PNPO: variants seen among roughly 807,000 people sequenced by gnomAD.
PNPO encodes the protein pyridoxine-5'-phosphate oxidase.
PNPO carries 39 observed loss-of-function variants against 35.0 expected under a neutral mutation model. The ratio of observed to expected loss-of-function variants is 1.11; its 90% CI spans 0.86 to 1.45. The LOEUF (loss-of-function observed/expected upper bound fraction) is 1.45, where lower values mean the gene tolerates loss of function less well. PNPO is among the 40% of genes most tolerant of loss of function. The pLI is 0.00. For synonymous variants in PNPO, 115 were observed against 119.8 expected (o/e 0.96, Z 0.26); for missense variants, 288 against 340.0 (o/e 0.85, Z 1.20).
In PNPO at chr17:47,945,614, T is replaced by G; in HGVS notation, c.417+2T>G. The G allele has an allele frequency of 6.2e-7, 1 of 1,611,802 alleles. No individual in the cohort carries two copies. Among genetic ancestry groups the G allele is most frequent in the African/African-American group, 1.3e-5 (1 of 74,944 alleles). On this transcript the variant is annotated splice_donor_variant, in intron 4 of 6. Transcript: ENST00000642017. LOFTEE classifies it high-confidence loss of function. The surrounding 1 kb of genome is among the most constrained non-coding windows in gnomAD (Gnocchi z 4.0). ...TACTGGGAGCCACTTAACCGTCAGG[T>G]GAGTGAATTTTCCCAGGACAGCCTG... is the stretch of plus-strand genomic sequence containing the variant.
In PNPO at chr17:47,941,651, C is replaced by T. The variant is rs1174021590; in HGVS notation, c.-25C>T. The T allele has an allele frequency of 1.3e-6, 2 of 1,519,418 alleles. No homozygotes were observed. The highest frequency in any genetic ancestry group is 2.4e-5 in the South Asian group (2 of 82,668). 94.1% of individuals were successfully genotyped at this position (1,519,418 alleles called of 1,614,324 possible). A position where few individuals can be genotyped will look rare whatever the true frequency, so the allele number is the denominator to read the frequency against. On this transcript the variant is annotated 5_prime_UTR_variant, in exon 1 of 7. Coordinates refer to ENST00000642017, the MANE Select transcript of PNPO (RefSeq NM_018129.4). ...AAGGAACCCAGTGCCGGGCCACAGC[C>T]GGGTCACGTGGCCGGCGGCCCCCCA...
Position 47,941,581 on chromosome 17 carries a change from T to G in PNPO, c.-95T>G. The G allele has an allele frequency of 7.0e-7, 1 of 1,419,268 alleles. No individual in the cohort carries two copies. Among genetic ancestry groups the G allele is most frequent in the Non-Finnish European group, 9.3e-7 (1 of 1,079,702 alleles). The allele number at this position is 1,419,268 out of a possible 1,614,324, so 87.9% of individuals were successfully genotyped here. ...GGTTGGGCGACTGGCAAATCCTTCCTTCCCCGGGGTAGAAGTCCAGGGTGA... is the reference window on the plus strand; with the variant it reads ...GGTTGGGCGACTGGCAAATCCTTCCGTCCCCGGGGTAGAAGTCCAGGGTGA... On this transcript the variant is annotated 5_prime_UTR_variant, in exon 1 of 7. Coordinates refer to ENST00000642017, the MANE Select transcript of PNPO (RefSeq NM_018129.4).
chr17:47,946,077 C>A, intron 5 of PNPO, 88 bp downstream of exon 5: 1 of 1,500,236 alleles, frequency 6.7e-7, no homozygotes, highest in Non-Finnish European at 9.2e-7. Context: ...AGGAGATGTC[C>A]CCAGGAGATG....
chr17:47,947,050 T>G lies in PNPO; in HGVS notation c.*268T>G. 4.5e-6 allele frequency: 2 copies of G among 445,474 alleles called. No homozygotes were observed. Among genetic ancestry groups the G allele is most frequent in the Non-Finnish European group, 8.3e-6 (2 of 240,894 alleles). 27.6% of individuals were successfully genotyped at this position (445,474 alleles called of 1,614,324 possible). On this transcript the variant is annotated 3_prime_UTR_variant, in exon 7 of 7. Coordinates refer to ENST00000642017, the MANE Select transcript of PNPO (RefSeq NM_018129.4). The stretch of plus-strand genomic sequence containing the variant: ...TGACCTTGCCTATGATTGATTAGGA[T>G]AGCTCCCTCTAGGGGTAGCAGCCGG...
At chr17:47,943,987 T>G (rs950411847) in intron 2 of PNPO, among the ~76,000 whole-genome samples, 1 of 152,236 alleles carries the variant, frequency 6.6e-6, no homozygotes, top group Admixed American at 6.5e-5. Context: ...GATTGCATTA[T>G]TGTTAGTCCC....
At position 47,945,453 on chromosome 17, in the gene PNPO, A is replaced by G. The variant is rs1395617330; in HGVS notation, c.364-106A>G. The stretch of plus-strand genomic sequence containing the variant: ...TTAAATGAGCTCTTACGGTGGGTGC[A>G]TCTGCTGTGGGCCTGCGCACTACAG... On this transcript the variant is annotated intron_variant, in intron 3 of 6. Transcript: ENST00000642017. This position sits in a 1 kb window ranked among gnomAD's most constrained non-coding sequence, Gnocchi z 4.0. 5.9e-6 allele frequency: 5 copies of G among 854,300 alleles called. No homozygotes were observed. In the African/African-American group the frequency reaches 6.6e-5, roughly 11 times the overall value. 52.9% of individuals were successfully genotyped at this position (854,300 alleles called of 1,614,324 possible).
chr17:47,946,376 G>A lies in PNPO; in HGVS notation c.600G>A (p.Val200=), dbSNP rs1389859273. ...AACAGCTCTACCAGGATCAAGAGGT[G>A]CCCAAGCCAAAATCCTGGTGAGTGA... The part of the protein sequence containing the change: ...ELEQLYQDQE[V]PKPKSWGGYV... Residue 200 remains valine (V), a synonymous_variant, in exon 6 of 7, where the codon GTG becomes GTA. Transcript: ENST00000642017. The A allele has an allele frequency of 3.1e-6, 5 of 1,613,232 alleles. No individual in the cohort carries two copies. In the East Asian group the frequency reaches 8.9e-5, roughly 29 times the overall value.
In PNPO at chr17:47,945,316, C is replaced by T. The variant is rs2035993204; in HGVS notation, c.364-243C>T. ...CTGTGGGTGAGAGAAATCACCCAGT[C>T]TCACTTTGGAGTCCGACTGGCTTAA... On this transcript the variant is annotated intron_variant, in intron 3 of 6. Coordinates refer to ENST00000642017, the MANE Select transcript of PNPO (RefSeq NM_018129.4). The surrounding 1 kb of genome is among the most constrained non-coding windows in gnomAD (Gnocchi z 4.0). 1.9e-6 allele frequency: 1 copy of T among 530,114 alleles called. No homozygotes were observed. Among genetic ancestry groups the T allele is most frequent in the Admixed American group, 3.1e-5 (1 of 32,298 alleles). The allele number at this position is 530,114 out of a possible 1,614,324, so 32.8% of individuals were successfully genotyped here.
chr17:47,944,733 G>C lies in PNPO; in HGVS notation c.363+18G>C. ...AAGAGCTGGTGGGTGAAAAGAGCTAGTAATCTTTCCCAGGGCCTGCAGGGT... is the reference window on the plus strand; with the variant it reads ...AAGAGCTGGTGGGTGAAAAGAGCTACTAATCTTTCCCAGGGCCTGCAGGGT... On this transcript the variant is annotated intron_variant, in intron 3 of 6. Transcript: ENST00000642017. 5.0e-6 allele frequency: 8 copies of C among 1,594,346 alleles called. No homozygotes were observed. Among genetic ancestry groups the C allele is most frequent in the Non-Finnish European group, 6.9e-6 (8 of 1,161,838 alleles).
intron 1 of PNPO, 78 bp downstream of exon 1, chr17:47,941,891 G>A: frequency 6.8e-7 from 1 of 1,470,966 alleles, no homozygotes; most frequent in Admixed American, 2.1e-5. Flanking sequence ...GGGGAGGGGA[G>A]TAGTAGGAGC....
chr17:47,945,444 G>A lies in PNPO; in HGVS notation c.364-115G>A, dbSNP rs553453884. On this transcript the variant is annotated intron_variant, in intron 3 of 6. Transcript: ENST00000642017. The surrounding 1 kb of genome is among the most constrained non-coding windows in gnomAD (Gnocchi z 4.0). Reference sequence around the variant, plus strand: ...TTTGAGGGTTTAAATGAGCTCTTACGGTGGGTGCATCTGCTGTGGGCCTGC... The same window carrying A: ...TTTGAGGGTTTAAATGAGCTCTTACAGTGGGTGCATCTGCTGTGGGCCTGC... 9.8e-6 allele frequency: 8 copies of A among 815,384 alleles called. No homozygotes were observed. Among genetic ancestry groups the A allele is most frequent in the East Asian group, 4.9e-5 (2 of 41,098 alleles). 50.5% of individuals were successfully genotyped at this position (815,384 alleles called of 1,614,324 possible). A position where few individuals can be genotyped will look rare whatever the true frequency, so the allele number is the denominator to read the frequency against.
Position 47,944,710 on chromosome 17 carries a change from G to T in PNPO, c.358G>T (p.Glu120Ter). ...FTNFESRKGK[E>*]LDSNPFASLV... ...TAACTTCGAGAGTCGAAAAGGAAAA[G>T]AGCTGGTGGGTGAAAAGAGCTAGTA... Residue 120 changes from glutamate to a stop codon, truncating the protein, a stop_gained, in exon 3 of 7, where the codon GAG (glutamate) becomes TAG (stop). Coordinates refer to ENST00000642017, the MANE Select transcript of PNPO (RefSeq NM_018129.4). LOFTEE classifies it high-confidence loss of function. 1 of 1,613,126 alleles carries T rather than the reference G, an allele frequency of 6.2e-7. No individual in the cohort carries two copies. Among genetic ancestry groups the T allele is most frequent in the South Asian group, 1.1e-5 (1 of 91,056 alleles).
At chr17:47,946,271 A>T in intron 5 of PNPO, 52 bp from the exon 6 acceptor site, 2 of 1,370,336 alleles carry the variant, frequency 1.5e-6, no homozygotes, top group Non-Finnish European at 2.1e-6. Flanking sequence ...AGTCCTTGTT[A>T]ATGAATCATT....
intron 6 of PNPO, 32 bp from the exon 7 acceptor site, chr17:47,946,582 C>CTG (rs1567714087): frequency 6.2e-7 from 1 of 1,611,366 alleles, no homozygotes; most frequent in South Asian, 1.1e-5. Context: ...GAAAACTCCA[C>CTG]AGAGCACTGA....
intron 1 of PNPO, among the ~76,000 whole-genome samples, chr17:47,942,971 C>T (rs2035961087): frequency 6.6e-6 from 1 of 152,166 alleles, no homozygotes; most frequent in Admixed American, 6.5e-5. Context: ...GATGAAGCCT[C>T]AGACCTGCTG....
intron 1 of PNPO, 49 bp from the exon 2 acceptor site, chr17:47,943,257 T>C: frequency 6.7e-7 from 1 of 1,488,842 alleles, no homozygotes; most frequent in Middle Eastern, 2.0e-4. Flanking sequence ...GCCAGGTCCA[T>C]AGTAAGCACT....
chr17:47,944,506 A>G (rs2035983555), intron 2 of PNPO, 110 bp from the exon 3 acceptor site: 2 of 872,612 alleles, frequency 2.3e-6, no homozygotes, highest in African/African-American at 3.3e-5. Context: ...CTGACAGCCC[A>G]ATAAAGGGGG....
At chr17:47,944,231 G>GTGTGTGTT (rs2035979934) in intron 2 of PNPO, among the ~76,000 whole-genome samples, 1 of 151,666 alleles carries the variant, frequency 6.6e-6, no homozygotes, top group African/African-American at 2.4e-5. Context: ...GTGTGTGTGT[G>GTGTGTGTT]TGTGTTGTGG....
At chr17:47,941,861 TCCCCGGAGTCATCTA>T (rs2035941235) in intron 1 of PNPO, 48 bp downstream of exon 1, 2 of 1,521,274 alleles carry the variant, frequency 1.3e-6, no homozygotes, top group South Asian at 2.4e-5. Context: ...GGAAAAGGGG[TCCCCGGAGTCATCTA>T]CAGCGGGGAG....
Sources: allele counts gnomAD v4.1 joint callset (sites outside exome capture counted in the v4.1 genomes callset), GRCh38; gene constraint gnomAD v4.1.1; non-coding constraint Gnocchi (gnomAD v3.1); transcripts MANE v1.5; gene names NCBI Gene and HGNC (gene_info 2026-07-23, HGNC 2026-07-21).